The following PXDNL variants were observed in gnomAD, a reference collection of about 807,000 sequenced individuals.
The protein encoded by PXDNL is peroxidasin like.
Under a neutral mutation model 150.8 loss-of-function variants are expected in PXDNL, and 145 were observed. The observed-to-expected ratio is 0.96, with a 90% CI of 0.84 to 1.10. The LOEUF is 1.10. Ranked by LOEUF, PXDNL falls within the 50% of genes least tolerant of loss-of-function variation. PXDNL has a pLI of 0.00. For synonymous variants in PXDNL, 757 were observed against 725.7 expected, an observed-to-expected ratio of 1.04 and a Z score of -0.69; for missense variants, 2,087 against 1,873.9, an observed-to-expected ratio of 1.11 and a Z score of -2.10.
At chr8:51,384,758 G>C (rs1807649596) in intron 17 of PXDNL, among the ~76,000 whole-genome samples, 2 of 151,746 alleles carry the variant, frequency 1.3e-5, no homozygotes, top group African/African-American at 4.8e-5. Flanking sequence ...CTTTAAAGGA[G>C]GAAAATAATC....
chr8:51,448,420 T>TG (rs1809728216), intron 11 of PXDNL, among the ~76,000 whole-genome samples: 1 of 152,212 alleles, frequency 6.6e-6, no homozygotes, highest in Non-Finnish European at 1.5e-5. Context: ...CTGCTACACT[T>TG]GCGGCCGGGC....
At chr8:51,357,902 A>G (rs1224255935) in intron 19 of PXDNL, among the ~76,000 whole-genome samples, 1 of 152,244 alleles carries the variant, frequency 6.6e-6, no homozygotes, top group African/African-American at 2.4e-5. Flanking sequence ...TTGATGAATT[A>G]TAATGTTCTG....
chr8:51,725,003 T>C (rs2130923553), intron 1 of PXDNL, among the ~76,000 whole-genome samples: 1 of 152,290 alleles, frequency 6.6e-6, no homozygotes, highest in South Asian at 2.1e-4. Flanking sequence ...TTTTTCTTTT[T>C]TGGAGATGGG....
intron 1 of PXDNL, among the ~76,000 whole-genome samples, chr8:51,733,503 G>A (rs537641058): frequency 4.1e-4 from 63 of 152,170 alleles, no homozygotes; most frequent in Admixed American, 1.2e-3. Flanking sequence ...AGTGAGGGAG[G>A]AATATAAATA....
At chr8:51,394,633 G>C (rs948283388) in intron 17 of PXDNL, among the ~76,000 whole-genome samples, 1 of 152,178 alleles carries the variant, frequency 6.6e-6, no homozygotes, top group Non-Finnish European at 1.5e-5. Context: ...GGAATGTTAA[G>C]TAAATGTGTC....
intron 1 of PXDNL, chr8:51,721,918 G>T: frequency 3.8e-6 from 1 of 266,082 alleles, no homozygotes; most frequent in South Asian, 5.1e-5. Context: ...AGTGTTCCCA[G>T]AGATACCTGA....
intron 1 of PXDNL, among the ~76,000 whole-genome samples, chr8:51,777,771 T>C (rs2037367891): frequency 6.6e-6 from 1 of 152,070 alleles, no homozygotes; most frequent in Non-Finnish European, 1.5e-5. Flanking sequence ...GGCGTGGTAG[T>C]GGGCGCCTGT....
At chr8:51,795,810 C>T (rs902930959) in intron 1 of PXDNL, among the ~76,000 whole-genome samples, 4 of 152,114 alleles carry the variant, frequency 2.6e-5, no homozygotes, top group East Asian at 1.9e-4. Flanking sequence ...CAACCGTGGC[C>T]CCGACTTGCC....
At chr8:51,480,588 T>C (rs901091204) in intron 6 of PXDNL, among the ~76,000 whole-genome samples, 1 of 152,176 alleles carries the variant, frequency 6.6e-6, no homozygotes, top group Non-Finnish European at 1.5e-5. Context: ...ACATCCAAAC[T>C]ATATCAGCCT....
Position 51,408,457 on chromosome 8 carries a change from C to A in PXDNL, c.3167G>T (p.Gly1056Val), listed in dbSNP as rs761583823. The A allele has an allele frequency of 6.2e-7, 1 of 1,613,946 alleles. No individual in the cohort carries two copies. The highest frequency in any genetic ancestry group is 1.1e-5 in the South Asian group (1 of 91,060). ...NSFATAAFRF[G>V]HTLINPILYR... ...AAGAATAGGATTGATTAATGTGTGG[C>A]CAAATCTAAAGGCTGCAGTAGCAAA... Residue 1056 changes from glycine (G) to valine (V), a missense_variant, in exon 17 of 23, where the codon GGC becomes GTC. Transcript: ENST00000356297.
Position 51,408,554 on chromosome 8 carries a change from C to G in PXDNL, c.3070G>C (p.Asp1024His). 1 of 1,612,930 alleles carries G rather than the reference C, an allele frequency of 6.2e-7. No individual in the cohort carries two copies. Among genetic ancestry groups the G allele is most frequent in the South Asian group, 1.1e-5 (1 of 90,874 alleles). ...YSHWLPKVLG[D>H]PGTRMLRGYR... ...CCCCTCAGCATCCTAGTGCCAGGGT[C>G]CCCCAGGACCTTAGGCAGCCAGTGG... The change falls in exon 17 of 23, where the codon GAC becomes CAC. Residue 1024 changes from aspartate (D) to histidine (H), a missense_variant. By Grantham distance (81) the Asp-to-His change is moderately conservative. Coordinates refer to ENST00000356297, the MANE Select transcript of PXDNL (RefSeq NM_144651.5).
At chr8:51,396,131 G>A (rs1236787002) in intron 17 of PXDNL, among the ~76,000 whole-genome samples, 1 of 152,240 alleles carries the variant, frequency 6.6e-6, no homozygotes, top group African/African-American at 2.4e-5. Flanking sequence ...AGCTTCAGCA[G>A]TCCACCTATG....
In PXDNL at chr8:51,417,763, C is replaced by T. The variant is rs532992482; in HGVS notation, c.1796-4505G>A. 1.2e-4 allele frequency among the ~76,000 whole-genome samples: 19 copies of T among 152,292 alleles called. 1 individual carries two copies. In the South Asian group the frequency reaches 2.7e-3, roughly 22 times the overall value. On this transcript the variant is annotated intron_variant, in intron 14 of 22. Coordinates refer to ENST00000356297, the MANE Select transcript of PXDNL (RefSeq NM_144651.5). ...TCCCAGGACACCAGAGACAGGTCCACATTACCATACACACTGATGGTAATG... is the reference window on the plus strand; with the variant it reads ...TCCCAGGACACCAGAGACAGGTCCATATTACCATACACACTGATGGTAATG...
At chr8:51,439,468 C>T (rs538765336) in intron 12 of PXDNL, among the ~76,000 whole-genome samples, 2 of 152,268 alleles carry the variant, frequency 1.3e-5, no homozygotes, top group South Asian at 2.1e-4. Context: ...CACTTTTACA[C>T]TGCTGGTGGG....
intron 4 of PXDNL, among the ~76,000 whole-genome samples, chr8:51,534,374 A>T (rs1481685025): frequency 4.7e-5 from 6 of 129,026 alleles, no homozygotes; most frequent in South Asian, 2.7e-4. Flanking sequence ...AGCCCCCGCC[A>T]GGCCAGCCGC....
intron 21 of PXDNL, among the ~76,000 whole-genome samples, chr8:51,325,588 T>C (rs1467556628): frequency 6.6e-6 from 1 of 152,144 alleles, no homozygotes; most frequent in Non-Finnish European, 1.5e-5. Context: ...GGCAGCCTCA[T>C]CACCCCCTGG....
intron 1 of PXDNL, among the ~76,000 whole-genome samples, chr8:51,806,366 A>G (rs1451554707): frequency 2.0e-5 from 3 of 152,218 alleles, no homozygotes; most frequent in Non-Finnish European, 4.4e-5. Flanking sequence ...ATAAACATAC[A>G]TAAGGGCGGT....
intron 2 of PXDNL, among the ~76,000 whole-genome samples, chr8:51,625,532 T>A (rs1379408452): frequency 6.6e-6 from 1 of 152,162 alleles, no homozygotes. Context: ...GATAATTTCA[T>A]TCTCTTAGAG....
At chr8:51,419,908 T>C (rs190184783) in intron 14 of PXDNL, among the ~76,000 whole-genome samples, 1 of 152,328 alleles carries the variant, frequency 6.6e-6, no homozygotes, top group Non-Finnish European at 1.5e-5. Flanking sequence ...GGAAATACTG[T>C]ATCAGTCTTA....
Sources: allele counts gnomAD v4.1 joint callset (sites outside exome capture counted in the v4.1 genomes callset), GRCh38; gene constraint gnomAD v4.1.1; transcripts MANE v1.5; gene names NCBI Gene and HGNC (gene_info 2026-07-23, HGNC 2026-07-21).